Variants in SUGCT observed in about 807,000 individuals in gnomAD.
SUGCT encodes succinyl-CoA:glutarate-CoA transferase.
SUGCT carries 41 observed loss-of-function variants against 55.0 expected under a neutral mutation model. That is an observed-to-expected ratio of 0.74 (90% CI 0.58 to 0.97). The LOEUF (loss-of-function observed/expected upper bound fraction) is 0.97, where lower values mean the gene tolerates loss of function less well. Among genes scored for constraint, SUGCT ranks in the 50% least tolerant of loss-of-function variants. SUGCT has a pLI of 0.00. For synonymous variants in SUGCT, 187 were observed against 200.4 expected (o/e 0.93, Z 0.56); for missense variants, 568 against 547.8 (o/e 1.04, Z -0.37).
At chr7:40,871,380 T>C in the SUGCT span, among the ~76,000 whole-genome samples, 13 of 152,140 alleles carry the variant, frequency 8.5e-5, no homozygotes, top group African/African-American at 3.1e-4. Context: ...GGGGGCCATT[T>C]GGAGGAGCAC....
At chr7:40,504,677 G>A (rs1032447006) in intron 12 of SUGCT, among the ~76,000 whole-genome samples, 7 of 151,986 alleles carry the variant, frequency 4.6e-5, no homozygotes, top group South Asian at 4.2e-4. Flanking sequence ...CAAATGATCC[G>A]CACACCTTAG....
At chr7:40,580,796 C>A (rs758579853) in intron 12 of SUGCT, among the ~76,000 whole-genome samples, 1 of 152,118 alleles carries the variant, frequency 6.6e-6, no homozygotes. Flanking sequence ...TACACAAATA[C>A]CATTTTGTTA....
intron 6 of SUGCT, among the ~76,000 whole-genome samples, chr7:40,199,336 C>G (rs76287977): frequency 6.6e-6 from 1 of 152,016 alleles, no homozygotes; most frequent in Admixed American, 6.6e-5. Context: ...GAGGAAGGAC[C>G]TGATTATTTT....
At chr7:40,890,288 AT>A in the SUGCT span, among the ~76,000 whole-genome samples, 472 of 140,804 alleles carry the variant, frequency 3.4e-3, 8 homozygotes, top group Middle Eastern at 0.014. Context: ...AAATATTTAT[AT>A]TATATAATAT....
At chr7:40,718,022 A>T (rs1376378000) in intron 12 of SUGCT, among the ~76,000 whole-genome samples, 1 of 152,232 alleles carries the variant, frequency 6.6e-6, no homozygotes, top group African/African-American at 2.4e-5. Context: ...ATATGTCTTT[A>T]ATAAACTGAT....
chr7:40,948,451 GA>G, the SUGCT span, among the ~76,000 whole-genome samples: 42 of 151,714 alleles, frequency 2.8e-4, no homozygotes, highest in Admixed American at 5.9e-4. Context: ...TGATGATGAT[GA>G]TGATGATGAT....
At chr7:40,359,964 G>C (rs112784923) in intron 9 of SUGCT, among the ~76,000 whole-genome samples, 2 of 152,270 alleles carry the variant, frequency 1.3e-5, no homozygotes, top group African/African-American at 4.8e-5. Context: ...GAAATGACCT[G>C]CAGCCTTTTA....
chr7:41,031,039 G>A, the SUGCT span, among the ~76,000 whole-genome samples: 3 of 152,140 alleles, frequency 2.0e-5, no homozygotes, highest in Non-Finnish European at 4.4e-5. Context: ...TCAGCACACA[G>A]CAACTTCCGT....
chr7:40,557,219 G>A (rs1322221730), intron 12 of SUGCT, among the ~76,000 whole-genome samples: 1 of 152,152 alleles, frequency 6.6e-6, no homozygotes, highest in African/African-American at 2.4e-5. Context: ...TTTTAAGCTA[G>A]GTGCCAAGAC....
intron 8 of SUGCT, among the ~76,000 whole-genome samples, chr7:40,311,412 G>A (rs1298786464): frequency 1.3e-5 from 2 of 152,098 alleles, no homozygotes. Context: ...GAAGAATGAC[G>A]ATACAATTTG....
At chr7:40,907,835 C>T in the SUGCT span, among the ~76,000 whole-genome samples, 40 of 152,248 alleles carry the variant, frequency 2.6e-4, no homozygotes, top group East Asian at 5.8e-3. Flanking sequence ...TTGACATCAT[C>T]CTCACCAAAA....
chr7:41,036,234 A>C, the SUGCT span, among the ~76,000 whole-genome samples: 1 of 152,206 alleles, frequency 6.6e-6, no homozygotes, highest in African/African-American at 2.4e-5. Flanking sequence ...ATGGACAAAC[A>C]GCTCCTGTGT....
chr7:40,925,988 G>A, the SUGCT span, among the ~76,000 whole-genome samples: 1 of 152,026 alleles, frequency 6.6e-6, no homozygotes, highest in African/African-American at 2.4e-5. Flanking sequence ...TAGCTACTTA[G>A]GAGGCCAAGG....
intron 13 of SUGCT, among the ~76,000 whole-genome samples, chr7:40,765,801 A>G (rs528202698): frequency 6.6e-6 from 1 of 152,296 alleles, no homozygotes; most frequent in African/African-American, 2.4e-5. Flanking sequence ...GAAGTAGTCT[A>G]AATCTTTCAC....
At chr7:40,531,020 G>A (rs1306947098) in intron 12 of SUGCT, among the ~76,000 whole-genome samples, 2 of 152,142 alleles carry the variant, frequency 1.3e-5, no homozygotes, top group African/African-American at 4.8e-5. Flanking sequence ...CCTAGCGAAT[G>A]GGCTGATCTT....
intron 13 of SUGCT, among the ~76,000 whole-genome samples, chr7:40,802,677 G>C (rs141285558): frequency 4.3e-4 from 66 of 152,264 alleles, no homozygotes; most frequent in African/African-American, 1.5e-3. Flanking sequence ...CACTTCAGCA[G>C]GCTCATTTAA....
chr7:40,700,470 CT>C (rs1785127950), intron 12 of SUGCT, among the ~76,000 whole-genome samples: 1 of 152,158 alleles, frequency 6.6e-6, no homozygotes. Context: ...GTTTGAGTGA[CT>C]TGGAAACCAG....
intron 9 of SUGCT, among the ~76,000 whole-genome samples, chr7:40,334,300 G>C (rs1796547097): frequency 6.6e-6 from 1 of 152,138 alleles, no homozygotes. Context: ...GGTATTTCTA[G>C]TTCTAGATCC....
the SUGCT span, among the ~76,000 whole-genome samples, chr7:40,903,508 C>A: frequency 6.6e-6 from 1 of 152,176 alleles, no homozygotes; most frequent in Admixed American, 6.5e-5. Context: ...CCTTGGCCGT[C>A]GTTGGAAGTC....
Sources: allele counts gnomAD v4.1 joint callset (sites outside exome capture counted in the v4.1 genomes callset), GRCh38; gene constraint gnomAD v4.1.1; transcripts MANE v1.5; gene names NCBI Gene and HGNC (gene_info 2026-07-23, HGNC 2026-07-21).